Variants in DOCK2 observed in about 807,000 individuals in gnomAD.
DOCK2 encodes the protein dedicator of cytokinesis 2.
A neutral mutation model predicts 248.9 loss-of-function variants in DOCK2; 87 were observed. The observed-to-expected ratio is 0.35, with a 90% CI of 0.29 to 0.42. The LOEUF (loss-of-function observed/expected upper bound fraction) is 0.42, where lower values mean the gene tolerates loss of function less well. DOCK2 is among the 10% of genes least tolerant of loss of function. DOCK2 has a pLI of 1.00. For missense variants in DOCK2, 1,747 were observed against 2,300.2 expected (o/e 0.76, Z 4.92); for synonymous variants, 805 against 821.6 (o/e 0.98, Z 0.35).
intron 46 of DOCK2, among the ~76,000 whole-genome samples, chr5:170,069,463 G>T (rs1581573401): frequency 6.6e-6 from 1 of 152,316 alleles, no homozygotes; most frequent in Admixed American, 6.5e-5. Flanking sequence ...GCTGGATGGT[G>T]CCAAGATTAT....
chr5:169,690,328 G>C (rs4867878), intron 9 of DOCK2, among the ~76,000 whole-genome samples: 4 of 152,124 alleles, frequency 2.6e-5, no homozygotes, highest in African/African-American at 9.7e-5. Flanking sequence ...CAGAGAAGGA[G>C]CCAGGGAGGG....
chr5:170,078,102 C>T (rs1757900599), intron 48 of DOCK2, among the ~76,000 whole-genome samples: 1 of 152,184 alleles, frequency 6.6e-6, no homozygotes, highest in African/African-American at 2.4e-5. Context: ...GACTTCTAGT[C>T]CAGTGATCTC....
chr5:169,830,336 A>C (rs2113286295), intron 26 of DOCK2, among the ~76,000 whole-genome samples: 1 of 152,352 alleles, frequency 6.6e-6, no homozygotes, highest in South Asian at 2.1e-4. Context: ...AATAATCATT[A>C]GAATGAATCT....
chr5:169,976,997 C>G (rs1040034762), intron 27 of DOCK2, among the ~76,000 whole-genome samples: 1 of 152,220 alleles, frequency 6.6e-6, no homozygotes, highest in Admixed American at 6.5e-5. Flanking sequence ...TATTGCACAG[C>G]AGGATGTCCT....
intron 27 of DOCK2, among the ~76,000 whole-genome samples, chr5:169,843,830 T>C (rs1208765036): frequency 1.3e-5 from 2 of 152,360 alleles, no homozygotes; most frequent in East Asian, 3.9e-4. Flanking sequence ...GTCTGTCTTC[T>C]TTCCTTAGCA....
rs1465650402 is a variant in DOCK2 at position 170,077,567 on chromosome 5, C to G, written c.4867-143C>G. On this transcript the variant is annotated intron_variant, in intron 47 of 51. Transcript: ENST00000520908. ...CTTCATTCTACAAGAACGCCCTAGC[C>G]TCAGCCAGCCAGGAACTTTTGTGCT... The G allele has an allele frequency of 2.5e-6, 3 of 1,223,006 alleles. No individual in the cohort carries two copies. The African/African-American group carries it at 4.6e-5, about 19-fold the overall frequency. 75.8% of individuals were successfully genotyped at this position (1,223,006 alleles called of 1,614,324 possible).
At chr5:169,902,461 T>C (rs1049714694) in intron 27 of DOCK2, among the ~76,000 whole-genome samples, 1 of 152,204 alleles carries the variant, frequency 6.6e-6, no homozygotes, top group Admixed American at 6.5e-5. Context: ...GTCATGCTCT[T>C]ATCCACTACG....
intron 23 of DOCK2, among the ~76,000 whole-genome samples, chr5:169,757,456 C>T (rs1764256432): frequency 6.6e-6 from 1 of 152,140 alleles, no homozygotes; most frequent in Non-Finnish European, 1.5e-5. Flanking sequence ...ATACCTAGCA[C>T]CATCCTATGG....
chr5:169,701,589 A>G (rs1157498254), intron 13 of DOCK2, among the ~76,000 whole-genome samples: 1 of 151,656 alleles, frequency 6.6e-6, no homozygotes. Context: ...ACCTCAGCTC[A>G]CTGCAGCCTC....
At chr5:169,672,002 T>A (rs773332204) in intron 5 of DOCK2, among the ~76,000 whole-genome samples, 15 of 152,120 alleles carry the variant, frequency 9.9e-5, no homozygotes, top group East Asian at 7.7e-4. Context: ...GACCTTTTTT[T>A]TTTATTTATT....
intron 27 of DOCK2, among the ~76,000 whole-genome samples, chr5:169,963,844 C>T (rs1258253748): frequency 1.3e-5 from 2 of 152,136 alleles, no homozygotes; most frequent in Non-Finnish European, 2.9e-5. Flanking sequence ...GCTGGTTGAA[C>T]ATAGACCGCT....
Position 169,806,551 on chromosome 5 carries a change from GTA to G in DOCK2, c.2703+3347_2703+3348del, listed in dbSNP as rs1767374854. Among the ~76,000 whole-genome samples the G allele has an allele frequency of 2.6e-5, 4 of 152,126 alleles. No homozygotes were observed. The South Asian group carries it at 8.3e-4, about 31-fold the overall frequency. ...GAGTTTAAAACCTGAAAGTCAAGCT[GTA>G]TGTTAAATCCTCAGACTGGATTGAG... On this transcript the variant is annotated intron_variant, in intron 26 of 51. Transcript: ENST00000520908.
intron 27 of DOCK2, among the ~76,000 whole-genome samples, chr5:169,969,489 G>A (rs1561857695): frequency 6.6e-6 from 1 of 152,218 alleles, no homozygotes; most frequent in Non-Finnish European, 1.5e-5. Flanking sequence ...CTTCATTTGT[G>A]TCAGAGAGAG....
chr5:169,887,565 G>A (rs1716150410), intron 27 of DOCK2, among the ~76,000 whole-genome samples: 1 of 152,122 alleles, frequency 6.6e-6, no homozygotes, highest in Admixed American at 6.6e-5. Flanking sequence ...AGATCACACT[G>A]TCCTTTTAAG....
chr5:169,674,621 G>A (rs760229980), intron 6 of DOCK2, among the ~76,000 whole-genome samples, 176 bp downstream of exon 6: 6 of 152,218 alleles, frequency 3.9e-5, no homozygotes, highest in Admixed American at 1.3e-4. Context: ...GGGGGACCTA[G>A]GGACATGCAG....
rs1005164389 is a variant in DOCK2 at position 169,702,803 on chromosome 5, A to G, written c.1383+376A>G. On this transcript the variant is annotated intron_variant, in intron 14 of 51. Transcript: ENST00000520908. ...GAGCTGGTTTATTCAGGCAAAGTCC[A>G]TGGTAAGAAAGAGGATCAATACAGT... 5.3e-5 allele frequency among the ~76,000 whole-genome samples: 8 copies of G among 152,214 alleles called. No homozygotes were observed. The East Asian group carries it at 1.2e-3, about 22-fold the overall frequency.
intron 27 of DOCK2, among the ~76,000 whole-genome samples, chr5:169,879,537 A>C (rs139333928): frequency 6.6e-6 from 1 of 152,214 alleles, no homozygotes; most frequent in African/African-American, 2.4e-5. Flanking sequence ...ATATATGCAT[A>C]CAATTGCTGT....
intron 25 of DOCK2, among the ~76,000 whole-genome samples, chr5:169,778,467 T>C (rs925664472): frequency 6.6e-6 from 1 of 152,218 alleles, no homozygotes; most frequent in Non-Finnish European, 1.5e-5. Flanking sequence ...CACTCTTCTC[T>C]CTTTTACTCA....
At chr5:169,741,714 A>G (rs1763313606) in intron 22 of DOCK2, among the ~76,000 whole-genome samples, 2 of 151,918 alleles carry the variant, frequency 1.3e-5, no homozygotes, top group Non-Finnish European at 2.9e-5. Flanking sequence ...CATCCCCTGG[A>G]TAACGGATGC....
Sources: allele counts gnomAD v4.1 joint callset (sites outside exome capture counted in the v4.1 genomes callset), GRCh38; gene constraint gnomAD v4.1.1; transcripts MANE v1.5; gene names NCBI Gene and HGNC (gene_info 2026-07-23, HGNC 2026-07-21).